The following MAP4K3 variants were observed in gnomAD, a reference collection of about 807,000 sequenced individuals.
MAP4K3 encodes the protein mitogen-activated protein kinase kinase kinase kinase 3.
In MAP4K3, 94 loss-of-function variants were observed where a neutral mutation model predicts 143.5. That is an observed-to-expected ratio of 0.65 (90% CI 0.55 to 0.78). The LOEUF (loss-of-function observed/expected upper bound fraction) is 0.78, where lower values mean the gene tolerates loss of function less well. Ranked by LOEUF, MAP4K3 falls within the 30% of genes least tolerant of loss-of-function variation. The probability of loss-of-function intolerance (pLI) is 0.00; values close to 1 mark genes in which losing one functional copy is unlikely to be tolerated. For missense variants in MAP4K3, 1,077 were observed against 1,068.1 expected (o/e 1.01, Z -0.12); for synonymous variants, 416 against 347.2 (o/e 1.20, Z -2.20).
rs62136498 is a variant in MAP4K3 at position 39,423,968 on chromosome 2, G to C, written c.96+12924C>G. On this transcript the variant is annotated intron_variant, in intron 1 of 33. Transcript: ENST00000263881. ...TTCATCAATTTTTTTTTTTGAGACG[G>C]AGTCTCGCTCTGCTGCCCAGGCTGG... Among the ~76,000 whole-genome samples the C allele has an allele frequency of 5.2e-3, 787 of 151,978 alleles. 2 individuals are homozygous for C. Among genetic ancestry groups the C allele is most frequent in the Non-Finnish European group, 8.6e-3 (586 of 67,966 alleles).
intron 24 of MAP4K3, among the ~76,000 whole-genome samples, chr2:39,273,143 C>T (rs1359587120): frequency 6.6e-6 from 1 of 151,940 alleles, no homozygotes; most frequent in Non-Finnish European, 1.5e-5. Flanking sequence ...AAAGTGGTCA[C>T]AACTTAGAGC....
intron 13 of MAP4K3, among the ~76,000 whole-genome samples, chr2:39,313,079 G>T (rs937599079): frequency 1.3e-5 from 2 of 152,142 alleles, no homozygotes; most frequent in Admixed American, 6.5e-5. Flanking sequence ...CCTTACACTG[G>T]TATCACTCTT....
In MAP4K3 at chr2:39,325,646, A is replaced by G; in HGVS notation, c.808-18T>C. ...AAAGGATGCTATAAAAATTAAATAC[A>G]ATGCAGAACACTTACTATAAATCTG... is the stretch of plus-strand genomic sequence containing the variant. On this transcript the variant is annotated intron_variant, in intron 11 of 33. Transcript: ENST00000263881. The G allele has an allele frequency of 1.9e-6, 3 of 1,587,530 alleles. No homozygotes were observed. The highest frequency in any genetic ancestry group is 2.6e-6 in the Non-Finnish European group (3 of 1,156,772).
chr2:39,327,224 C>T (rs544964539), intron 8 of MAP4K3, among the ~76,000 whole-genome samples: 7 of 152,176 alleles, frequency 4.6e-5, no homozygotes, highest in South Asian at 2.1e-4. Flanking sequence ...ACTATTCCGT[C>T]GGGCACCAAT....
chr2:39,267,028 A>G (rs1680794627), intron 27 of MAP4K3, among the ~76,000 whole-genome samples, 161 bp downstream of exon 27: 1 of 152,204 alleles, frequency 6.6e-6, no homozygotes, highest in South Asian at 2.1e-4. Flanking sequence ...GGTACTATGT[A>G]TTAGGCTTAG....
intron 2 of MAP4K3, among the ~76,000 whole-genome samples, chr2:39,365,486 G>A (rs1037110877): frequency 9.2e-5 from 12 of 130,134 alleles, no homozygotes; most frequent in Admixed American, 7.4e-4. Flanking sequence ...CGCCCAGGCC[G>A]GACTGCGGAC....
At chr2:39,350,521 C>A (rs1273182954) in intron 3 of MAP4K3, among the ~76,000 whole-genome samples, 1 of 152,110 alleles carries the variant, frequency 6.6e-6, no homozygotes, top group Non-Finnish European at 1.5e-5. Flanking sequence ...AATCTTTATT[C>A]TCATATTCTA....
chr2:39,366,960 A>G (rs1665940404), intron 2 of MAP4K3, among the ~76,000 whole-genome samples: 1 of 152,248 alleles, frequency 6.6e-6, no homozygotes, highest in Non-Finnish European at 1.5e-5. Context: ...CAAAGGAAGT[A>G]TCTAATAATC....
chr2:39,356,779 T>C (rs1158831792), intron 2 of MAP4K3, among the ~76,000 whole-genome samples: 1 of 152,264 alleles, frequency 6.6e-6, no homozygotes, highest in Non-Finnish European at 1.5e-5. Context: ...CTATTATTAT[T>C]ATGCCTTGGA....
intron 24 of MAP4K3, among the ~76,000 whole-genome samples, chr2:39,273,413 C>A (rs1352757758): frequency 1.3e-5 from 2 of 152,144 alleles, no homozygotes; most frequent in Non-Finnish European, 2.9e-5. Context: ...AGTTTGAGAG[C>A]CACTGATGTA....
chr2:39,330,954 G>A (rs566814804), intron 8 of MAP4K3, among the ~76,000 whole-genome samples: 1 of 152,238 alleles, frequency 6.6e-6, no homozygotes, highest in African/African-American at 2.4e-5. Context: ...TCATAACGCA[G>A]TATCTGTAAA....
intron 22 of MAP4K3, 23 bp from the exon 23 acceptor site, chr2:39,280,379 A>G (rs779219612): frequency 1.4e-6 from 2 of 1,419,230 alleles, no homozygotes; most frequent in Admixed American, 3.5e-5. Flanking sequence ...AGAATAACCA[A>G]TATGAAACAG....
intron 3 of MAP4K3, among the ~76,000 whole-genome samples, chr2:39,349,884 C>T (rs889462671): frequency 6.6e-6 from 1 of 152,132 alleles, no homozygotes; most frequent in African/African-American, 2.4e-5. Context: ...TCCCTCAGAA[C>T]TAATGATCTA....
intron 26 of MAP4K3, among the ~76,000 whole-genome samples, chr2:39,268,452 C>A (rs1368439655): frequency 6.6e-6 from 1 of 151,508 alleles, no homozygotes; most frequent in African/African-American, 2.4e-5. Context: ...TGCCAAATAG[C>A]TGGGACTACA....
chr2:39,414,671 C>T (rs751129976), intron 1 of MAP4K3, among the ~76,000 whole-genome samples: 10 of 152,056 alleles, frequency 6.6e-5, no homozygotes, highest in Non-Finnish European at 1.2e-4. Context: ...ATCAGGAGAT[C>T]GAGACCATCC....
At chr2:39,259,852 T>A (rs898445897) in intron 29 of MAP4K3, among the ~76,000 whole-genome samples, 2 of 152,226 alleles carry the variant, frequency 1.3e-5, no homozygotes, top group Non-Finnish European at 2.9e-5. Flanking sequence ...AATGCAAACA[T>A]GACTTTACGG....
intron 16 of MAP4K3, among the ~76,000 whole-genome samples, chr2:39,297,126 T>C (rs1343748390): frequency 6.6e-6 from 1 of 152,090 alleles, no homozygotes; most frequent in Non-Finnish European, 1.5e-5. Flanking sequence ...TCTTTTCTTT[T>C]TTTTTTTTGA....
At chr2:39,325,983 A>T (rs1389852713) in intron 9 of MAP4K3, 22 bp from the exon 10 acceptor site, 1 of 1,564,494 alleles carries the variant, frequency 6.4e-7, no homozygotes, top group Non-Finnish European at 8.7e-7. Context: ...ACAAATCATT[A>T]CACAGCATTT....
intron 12 of MAP4K3, among the ~76,000 whole-genome samples, chr2:39,316,724 T>C (rs1433466847): frequency 6.6e-6 from 1 of 152,120 alleles, no homozygotes; most frequent in Non-Finnish European, 1.5e-5. Flanking sequence ...CAATGAAAGA[T>C]TACACTTAAC....
Sources: allele counts gnomAD v4.1 joint callset (sites outside exome capture counted in the v4.1 genomes callset), GRCh38; gene constraint gnomAD v4.1.1; transcripts MANE v1.5; gene names NCBI Gene and HGNC (gene_info 2026-07-23, HGNC 2026-07-21).